CSMD1: variants seen among roughly 807,000 people sequenced by gnomAD.
The protein encoded by CSMD1 is CUB and Sushi multiple domains 1, also known as CUB and sushi domain-containing protein 1.
In CSMD1, 213 loss-of-function variants were observed where a neutral mutation model predicts 417.5. The ratio of observed to expected loss-of-function variants is 0.51; its 90% CI spans 0.46 to 0.57. The LOEUF (loss-of-function observed/expected upper bound fraction) is 0.57, where lower values mean the gene tolerates loss of function less well. Ranked by LOEUF, CSMD1 falls within the 20% of genes least tolerant of loss-of-function variation. CSMD1 has a pLI of 0.00. For synonymous variants in CSMD1, 2,862 were observed against 1,736.8 expected (o/e 1.65, Z -16.11); for missense variants, 6,923 against 4,529.7 (o/e 1.53, Z -15.17).
chr8:4,394,449 G>A (rs1008239060), intron 3 of CSMD1, among the ~76,000 whole-genome samples: 1 of 152,184 alleles, frequency 6.6e-6, no homozygotes, highest in South Asian at 2.1e-4. Context: ...TTAGTACTGA[G>A]TCTTTGAAGA....
chr8:3,225,515 G>A (rs568513665), intron 27 of CSMD1, among the ~76,000 whole-genome samples: 21 of 152,178 alleles, frequency 1.4e-4, no homozygotes, highest in African/African-American at 2.9e-4. Context: ...AGCGTGGACC[G>A]ATCAGGGAGC....
At chr8:2,979,937 A>C (rs1805264126) in intron 54 of CSMD1, among the ~76,000 whole-genome samples, 1 of 152,208 alleles carries the variant, frequency 6.6e-6, no homozygotes, top group Non-Finnish European at 1.5e-5. Context: ...CAAATCTCTG[A>C]AATAGCAGGA....
intron 1 of CSMD1, among the ~76,000 whole-genome samples, chr8:4,791,931 T>C (rs1797713842): frequency 6.7e-6 from 1 of 149,484 alleles, no homozygotes. Context: ...TTTAGTTTCT[T>C]TATGTTAGTT....
At chr8:3,483,846 T>G (rs1219385308) in intron 11 of CSMD1, among the ~76,000 whole-genome samples, 1 of 152,118 alleles carries the variant, frequency 6.6e-6, no homozygotes, top group Non-Finnish European at 1.5e-5. Flanking sequence ...TTTAAAAAAA[T>G]CAATCAATGT....
At chr8:4,147,745 C>T (rs1159389007) in intron 3 of CSMD1, among the ~76,000 whole-genome samples, 1 of 152,080 alleles carries the variant, frequency 6.6e-6, no homozygotes, top group Admixed American at 6.5e-5. Flanking sequence ...AGGTTAACAA[C>T]CCCCGGCAAG....
chr8:4,351,970 A>G (rs1801123332), intron 3 of CSMD1, among the ~76,000 whole-genome samples: 1 of 150,044 alleles, frequency 6.7e-6, no homozygotes, highest in African/African-American at 2.5e-5. Flanking sequence ...TTTTTCAGAA[A>G]AAAAAATGAG....
At chr8:3,616,429 C>A (rs965498081) in intron 8 of CSMD1, among the ~76,000 whole-genome samples, 1 of 152,170 alleles carries the variant, frequency 6.6e-6, no homozygotes, top group East Asian at 1.9e-4. Flanking sequence ...CTCAACCATG[C>A]TGAACTATGA....
intron 3 of CSMD1, among the ~76,000 whole-genome samples, chr8:4,168,522 A>T (rs573855212): frequency 2.0e-5 from 3 of 152,282 alleles, no homozygotes; most frequent in African/African-American, 7.2e-5. Flanking sequence ...AGATTAAAAT[A>T]AGTTACAGAC....
intron 5 of CSMD1, among the ~76,000 whole-genome samples, chr8:3,831,570 C>T (rs1378685531): frequency 6.6e-6 from 1 of 152,158 alleles, no homozygotes; most frequent in African/African-American, 2.4e-5. Flanking sequence ...GTGCTCACTA[C>T]AGCAATGGAA....
intron 7 of CSMD1, among the ~76,000 whole-genome samples, chr8:3,630,598 A>T (rs1796733301): frequency 6.6e-6 from 1 of 152,222 alleles, no homozygotes; most frequent in Non-Finnish European, 1.5e-5. Flanking sequence ...TTCAGACAGA[A>T]GGGTGAAGTG....
intron 5 of CSMD1, among the ~76,000 whole-genome samples, chr8:3,809,629 T>A (rs1344970594): frequency 1.3e-5 from 2 of 152,156 alleles, no homozygotes; most frequent in Admixed American, 6.5e-5. Context: ...CTGTCTCTGG[T>A]GGCGGCTAAG....
chr8:4,953,028 T>A (rs907874404), intron 1 of CSMD1, among the ~76,000 whole-genome samples: 2 of 151,638 alleles, frequency 1.3e-5, no homozygotes, highest in Non-Finnish European at 1.5e-5. Flanking sequence ...ACATGTGAGA[T>A]GAGAGTGACC....
At chr8:3,716,559 G>A (rs975767016) in intron 6 of CSMD1, among the ~76,000 whole-genome samples, 3 of 152,104 alleles carry the variant, frequency 2.0e-5, no homozygotes, top group Admixed American at 6.6e-5. Context: ...TCTCGTCCCC[G>A]TCTTGGTTTC....
At chr8:3,508,568 T>A (rs1405072806) in intron 10 of CSMD1, among the ~76,000 whole-genome samples, 1 of 151,996 alleles carries the variant, frequency 6.6e-6, no homozygotes, top group Non-Finnish European at 1.5e-5. Flanking sequence ...AATGAAAAGA[T>A]TCAGATGAAT....
At chr8:4,442,155 A>T (rs1257929096) in intron 2 of CSMD1, among the ~76,000 whole-genome samples, 1 of 152,190 alleles carries the variant, frequency 6.6e-6, no homozygotes, top group Non-Finnish European at 1.5e-5. Flanking sequence ...AAAACATCTG[A>T]AACACAGCTT....
intron 3 of CSMD1, among the ~76,000 whole-genome samples, chr8:4,137,870 T>C (rs1322881572): frequency 2.6e-5 from 4 of 151,876 alleles, no homozygotes; most frequent in Non-Finnish European, 5.9e-5. Context: ...TACATTATTT[T>C]TTTTAATTAA....
chr8:3,381,010 A>G (rs1370748456), intron 18 of CSMD1, among the ~76,000 whole-genome samples: 7 of 152,164 alleles, frequency 4.6e-5, no homozygotes, highest in Non-Finnish European at 7.4e-5. Context: ...TTGTTTTGAG[A>G]AAAACCTCAC....
At chr8:4,832,656 A>C (rs796397772) in intron 1 of CSMD1, among the ~76,000 whole-genome samples, 1 of 152,204 alleles carries the variant, frequency 6.6e-6, no homozygotes. Context: ...CTTTAAATAT[A>C]TATTCTCATA....
At chr8:4,310,276 G>C (rs1274411585) in intron 3 of CSMD1, among the ~76,000 whole-genome samples, 1 of 152,154 alleles carries the variant, frequency 6.6e-6, no homozygotes, top group Non-Finnish European at 1.5e-5. Context: ...CTGTTATCAT[G>C]GCTGCTTAGA....
Sources: gnomAD v4.1 joint callset for allele counts (sites outside exome capture counted in the v4.1 genomes callset) on GRCh38, gnomAD v4.1.1 for gene constraint, MANE v1.5 for transcripts, NCBI Gene and HGNC (gene_info 2026-07-23, HGNC 2026-07-21) for gene names.